The following PHACTR1 variants were observed in gnomAD, a reference collection of about 807,000 sequenced individuals.
PHACTR1 encodes RPEL repeat containing 1.
In PHACTR1, 16 loss-of-function variants were observed where a neutral mutation model predicts 69.2. That is an observed-to-expected ratio of 0.23 (90% CI 0.16 to 0.35). The LOEUF is 0.35. Ranked by LOEUF, PHACTR1 falls within the 10% of genes least tolerant of loss-of-function variation. The pLI, the probability that PHACTR1 is intolerant of heterozygous loss-of-function variation, is 1.00. For missense variants in PHACTR1, 510 were observed against 734.7 expected, an observed-to-expected ratio of 0.69 and a Z score of 3.54; for synonymous variants, 312 against 284.5, an observed-to-expected ratio of 1.10 and a Z score of -0.97.
chr6:12,743,007 TG>T (rs1446465245), intron 3 of PHACTR1, among the ~76,000 whole-genome samples: 1 of 152,202 alleles, frequency 6.6e-6, no homozygotes, highest in Non-Finnish European at 1.5e-5. Context: ...TTCCAGGAAC[TG>T]GGCAATTGTT....
chr6:13,123,979 G>A (rs1819130890), intron 5 of PHACTR1, among the ~76,000 whole-genome samples: 3 of 152,166 alleles, frequency 2.0e-5, no homozygotes, highest in Admixed American at 2.0e-4. Context: ...AGGAATCAGG[G>A]AGCTTGCTAT....
intron 4 of PHACTR1, among the ~76,000 whole-genome samples, chr6:12,925,412 A>G (rs1309009708): frequency 2.0e-5 from 3 of 152,342 alleles, no homozygotes; most frequent in South Asian, 2.1e-4. Context: ...TTCATATGAC[A>G]TACACACAAA....
intron 4 of PHACTR1, among the ~76,000 whole-genome samples, chr6:12,790,121 G>A (rs2327619): frequency 0.37 from 55,925 of 151,864 alleles, 11,047 homozygotes; most frequent in African/African-American, 0.49. Context: ...AGAAACCAGA[G>A]CTATCCTTTT....
At chr6:12,979,466 GCT>G (rs1448859679) in intron 4 of PHACTR1, among the ~76,000 whole-genome samples, 7 of 152,184 alleles carry the variant, frequency 4.6e-5, no homozygotes, top group African/African-American at 1.7e-4. Flanking sequence ...CCCCTCCTGA[GCT>G]CTGTTTTGCA....
At chr6:13,284,534 AAAAAAAAAAATATATAT>A (rs1326168311) in intron 13 of PHACTR1, among the ~76,000 whole-genome samples, 3 of 110,326 alleles carry the variant, frequency 2.7e-5, no homozygotes, top group African/African-American at 4.4e-5. Context: ...AAAAAAAAAA[AAAAAAAAAAATATATAT>A]ATATATATAT....
chr6:12,954,227 G>T (rs1264498039), intron 4 of PHACTR1, among the ~76,000 whole-genome samples: 1 of 152,036 alleles, frequency 6.6e-6, no homozygotes, highest in East Asian at 1.9e-4. Context: ...GCAGCAAAGA[G>T]CTGAGCTGGA....
At chr6:13,181,960 G>A (rs371263855) in intron 6 of PHACTR1, among the ~76,000 whole-genome samples, 16 of 152,206 alleles carry the variant, frequency 1.1e-4, no homozygotes, top group African/African-American at 2.4e-4. Flanking sequence ...ATGGCCGGGC[G>A]CGGTGGCTTA....
chr6:12,917,244 A>G lies in PHACTR1; in HGVS notation c.251-136121A>G, dbSNP rs551998913. 2.6e-5 allele frequency among the ~76,000 whole-genome samples: 4 copies of G among 152,332 alleles called. No individual in the cohort carries two copies. The South Asian group carries it at 8.3e-4, about 32-fold the overall frequency. ...CCTCTCTATTATAGTGAGGGTGCTA[A>G]TAAGTGTTGTTGAGTGAAGTTGTCA... On this transcript the variant is annotated intron_variant, in intron 4 of 14. Transcript: ENST00000332995.
intron 7 of PHACTR1, among the ~76,000 whole-genome samples, chr6:13,194,957 T>C (rs1764164503): frequency 6.6e-6 from 1 of 152,194 alleles, no homozygotes. Flanking sequence ...CATGCTGACC[T>C]GGCTTGGAAG....
intron 4 of PHACTR1, among the ~76,000 whole-genome samples, chr6:12,938,969 G>A (rs755793673): frequency 1.4e-4 from 21 of 152,282 alleles, no homozygotes; most frequent in Non-Finnish European, 2.4e-4. Context: ...AATGAACAGC[G>A]GGGAAGTTTC....
chr6:12,726,593 G>A (rs1335717697), intron 3 of PHACTR1, among the ~76,000 whole-genome samples: 2 of 152,172 alleles, frequency 1.3e-5, no homozygotes, highest in African/African-American at 2.4e-5. Flanking sequence ...CTCACTGGAA[G>A]CCTGGCCATG....
In PHACTR1 at chr6:13,047,075, A is replaced by G. The variant is rs144427059; in HGVS notation, c.251-6290A>G. Among the ~76,000 whole-genome samples, 571 of 152,288 alleles carry G rather than the reference A, an allele frequency of 3.7e-3. 2 individuals carry two copies. Among genetic ancestry groups the G allele is most frequent in the African/African-American group, 0.013 (552 of 41,560 alleles). On this transcript the variant is annotated intron_variant, in intron 4 of 14. Transcript: ENST00000332995. Reference sequence around the variant, plus strand: ...GGGCACCTGTGTGGCGTCATTTTGCAGGGCAGGAAAAGGCAGCGCAGGCTG... The same window carrying G: ...GGGCACCTGTGTGGCGTCATTTTGCGGGGCAGGAAAAGGCAGCGCAGGCTG...
At chr6:13,022,080 A>T (rs941232625) in intron 4 of PHACTR1, among the ~76,000 whole-genome samples, 2 of 152,258 alleles carry the variant, frequency 1.3e-5, no homozygotes, top group African/African-American at 4.8e-5. Flanking sequence ...ACTTTACTGA[A>T]CCTCTGAGGA....
intron 5 of PHACTR1, among the ~76,000 whole-genome samples, chr6:13,104,610 A>T (rs1477705862): frequency 6.6e-6 from 1 of 152,224 alleles, no homozygotes; most frequent in Admixed American, 6.5e-5. Context: ...CCATTAACTT[A>T]TGAAACTCTT....
At chr6:12,979,802 G>A (rs1047414114) in intron 4 of PHACTR1, among the ~76,000 whole-genome samples, 25 of 150,916 alleles carry the variant, frequency 1.7e-4, no homozygotes, top group African/African-American at 5.8e-4. Context: ...AATTCTGTAA[G>A]CCACTGTGAT....
At chr6:13,258,966 G>T (rs1242677483) in intron 10 of PHACTR1, among the ~76,000 whole-genome samples, 5 of 152,178 alleles carry the variant, frequency 3.3e-5, no homozygotes, top group Non-Finnish European at 7.3e-5. Flanking sequence ...CCAATTTCTG[G>T]CACATAATAC....
intron 4 of PHACTR1, among the ~76,000 whole-genome samples, chr6:12,924,618 CA>C (rs201494852): frequency 6.6e-6 from 1 of 151,598 alleles, no homozygotes; most frequent in Non-Finnish European, 1.5e-5. Flanking sequence ...ACTAAAAATA[CA>C]AAAAATTAGC....
At chr6:12,955,287 C>A (rs533438294) in intron 4 of PHACTR1, among the ~76,000 whole-genome samples, 1 of 147,454 alleles carries the variant, frequency 6.8e-6, no homozygotes, top group African/African-American at 2.6e-5. Flanking sequence ...TAGCTTTGAC[C>A]TCCTGGGCTC....
chr6:13,030,683 G>A (rs1802335640), intron 4 of PHACTR1, among the ~76,000 whole-genome samples: 1 of 152,230 alleles, frequency 6.6e-6, no homozygotes, highest in Non-Finnish European at 1.5e-5. Flanking sequence ...AATCACACAT[G>A]TGAAACAGCT....
Sources: allele counts gnomAD v4.1 joint callset (sites outside exome capture counted in the v4.1 genomes callset), GRCh38; gene constraint gnomAD v4.1.1; transcripts MANE v1.5; gene names NCBI Gene and HGNC (gene_info 2026-07-23, HGNC 2026-07-21).